The following DLG2 variants were observed in gnomAD, a reference collection of about 807,000 sequenced individuals.
The protein encoded by DLG2 is discs large MAGUK scaffold protein 2.
Under a neutral mutation model 132.5 loss-of-function variants are expected in DLG2, and 45 were observed. The observed-to-expected ratio is 0.34, with a 90% CI of 0.27 to 0.44. The LOEUF (loss-of-function observed/expected upper bound fraction) is 0.44, where lower values mean the gene tolerates loss of function less well. Ranked by LOEUF, DLG2 falls within the 20% of genes least tolerant of loss-of-function variation. DLG2 has a pLI of 1.00. For synonymous variants in DLG2, 424 were observed against 419.6 expected (o/e 1.01, Z -0.13); for missense variants, 1,045 against 1,196.9 (o/e 0.87, Z 1.87).
intron 11 of DLG2, among the ~76,000 whole-genome samples, chr11:84,026,660 G>A (rs1284961671): frequency 6.6e-6 from 1 of 151,912 alleles, no homozygotes; most frequent in Non-Finnish European, 1.5e-5. Flanking sequence ...TTTGTTTATT[G>A]ACTCAATGAA....
At chr11:83,619,080 C>T (rs1001169391) in intron 19 of DLG2, among the ~76,000 whole-genome samples, 4 of 152,180 alleles carry the variant, frequency 2.6e-5, no homozygotes, top group Non-Finnish European at 4.4e-5. Context: ...CATACTTGCT[C>T]TAAGGCAGTC....
At chr11:84,890,269 TA>T (rs2089130258) in intron 6 of DLG2, among the ~76,000 whole-genome samples, 1 of 152,148 alleles carries the variant, frequency 6.6e-6, no homozygotes, top group African/African-American at 2.4e-5. Flanking sequence ...AAGCGTTCAA[TA>T]ACTGTTAGTT....
At chr11:84,844,355 A>T (rs925679909) in intron 6 of DLG2, among the ~76,000 whole-genome samples, 4 of 151,752 alleles carry the variant, frequency 2.6e-5, no homozygotes, top group African/African-American at 7.3e-5. Flanking sequence ...CACAGAATAC[A>T]TACAAAATGG....
chr11:83,725,885 G>A (rs1161700517), intron 18 of DLG2, among the ~76,000 whole-genome samples: 3 of 152,102 alleles, frequency 2.0e-5, no homozygotes, highest in Non-Finnish European at 4.4e-5. Flanking sequence ...ACTGCAGTTC[G>A]GTTTAACAAG....
chr11:84,670,138 A>G (rs1197316775), intron 6 of DLG2, among the ~76,000 whole-genome samples: 1 of 152,116 alleles, frequency 6.6e-6, no homozygotes, highest in African/African-American at 2.4e-5. Flanking sequence ...ATAAAGAGAA[A>G]TAACATGGCT....
chr11:83,673,513 A>G (rs546598156), intron 18 of DLG2, among the ~76,000 whole-genome samples: 1 of 152,318 alleles, frequency 6.6e-6, no homozygotes, highest in Admixed American at 6.5e-5. Flanking sequence ...ATAATGCATT[A>G]TCCTGTAATA....
chr11:85,354,529 A>T (rs1469384910), intron 3 of DLG2, among the ~76,000 whole-genome samples: 1 of 152,122 alleles, frequency 6.6e-6, no homozygotes, highest in Non-Finnish European at 1.5e-5. Context: ...CCTGGGTCTT[A>T]TCTCATGAAG....
At chr11:85,155,858 C>G (rs201072406) in intron 4 of DLG2, among the ~76,000 whole-genome samples, 1 of 105,422 alleles carries the variant, frequency 9.5e-6, no homozygotes, top group Non-Finnish European at 2.0e-5. Flanking sequence ...GACTCTGTAT[C>G]AAAAAAAAAA....
At chr11:83,885,187 T>C (rs540945710) in intron 15 of DLG2, among the ~76,000 whole-genome samples, 58 of 152,224 alleles carry the variant, frequency 3.8e-4, no homozygotes, top group African/African-American at 1.2e-3. Flanking sequence ...ACAAAGAAGG[T>C]AAAAACTTTG....
At chr11:85,522,719 T>C (rs1267202557) in intron 3 of DLG2, among the ~76,000 whole-genome samples, 1 of 152,244 alleles carries the variant, frequency 6.6e-6, no homozygotes, top group Non-Finnish European at 1.5e-5. Flanking sequence ...ATGACTGTTC[T>C]GTTGGATTTC....
At chr11:84,720,523 T>G (rs1264575906) in intron 6 of DLG2, 3 of 980,886 alleles carry the variant, frequency 3.1e-6, no homozygotes, top group Non-Finnish European at 3.6e-6. Context: ...GCCGTGGCCA[T>G]CCCGGAGCCC....
chr11:83,602,956 A>G (rs771621383), intron 19 of DLG2, among the ~76,000 whole-genome samples: 1 of 152,066 alleles, frequency 6.6e-6, no homozygotes, highest in Non-Finnish European at 1.5e-5. Context: ...TTCTATATCC[A>G]TACACTCAGT....
intron 10 of DLG2, among the ~76,000 whole-genome samples, chr11:84,073,487 C>T (rs530451219): frequency 6.6e-6 from 1 of 152,228 alleles, no homozygotes; most frequent in East Asian, 1.9e-4. Context: ...AGACCTGCCA[C>T]AGAGTACCAG....
At chr11:85,062,559 G>A (rs2064276945) in intron 6 of DLG2, among the ~76,000 whole-genome samples, 1 of 150,872 alleles carries the variant, frequency 6.6e-6, no homozygotes, top group South Asian at 2.1e-4. Flanking sequence ...AAAACTGACA[G>A]GAAAGATAAG....
rs545958109 is a variant in DLG2 at position 85,371,600 on chromosome 11, G to C, written c.41-86235C>G. Among the ~76,000 whole-genome samples the C allele has an allele frequency of 1.2e-4, 19 of 152,330 alleles. 1 individual carries two copies. The South Asian group carries it at 3.7e-3, about 30-fold the overall frequency. ...TGAGGAGTGAAGCTTGACTTGCAGAGCCAATAAAAGCCCCATGGGGAAACT... is the reference window on the plus strand; with the variant it reads ...TGAGGAGTGAAGCTTGACTTGCAGACCCAATAAAAGCCCCATGGGGAAACT... On this transcript the variant is annotated intron_variant, in intron 3 of 27. Transcript: ENST00000376104.
chr11:84,742,286 C>T (rs2064784199), intron 6 of DLG2, among the ~76,000 whole-genome samples: 1 of 152,038 alleles, frequency 6.6e-6, no homozygotes, highest in Admixed American at 6.6e-5. Flanking sequence ...CATTCAGATC[C>T]AAGAAGCTCA....
At chr11:84,169,096 A>T (rs373152600) in intron 8 of DLG2, among the ~76,000 whole-genome samples, 5,159 of 152,234 alleles carry the variant, frequency 0.034, 129 homozygotes, top group Non-Finnish European at 0.054. Flanking sequence ...TAATCTCTTA[A>T]AACCTCAATT....
chr11:83,874,355 G>C (rs1448625239), intron 16 of DLG2, 65 bp downstream of exon 16: 4 of 1,139,150 alleles, frequency 3.5e-6, no homozygotes, highest in Non-Finnish European at 4.9e-6. Context: ...CAGAGACAGG[G>C]AGAGAAAGGA....
chr11:84,269,695 G>A (rs1426971948), intron 7 of DLG2, among the ~76,000 whole-genome samples: 2 of 152,252 alleles, frequency 1.3e-5, no homozygotes, highest in South Asian at 2.1e-4. Context: ...ATGAATGAAC[G>A]AATGAATTAA....
Sources: gnomAD v4.1 joint callset for allele counts (sites outside exome capture counted in the v4.1 genomes callset) on GRCh38, gnomAD v4.1.1 for gene constraint, MANE v1.5 for transcripts, NCBI Gene and HGNC (gene_info 2026-07-23, HGNC 2026-07-21) for gene names.